PLOD2: variants seen among roughly 807,000 people sequenced by gnomAD.
PLOD2 encodes procollagen-lysine,2-oxoglutarate 5-dioxygenase 2.
A neutral mutation model predicts 101.0 loss-of-function variants in PLOD2; 65 were observed. That is an observed-to-expected ratio of 0.64 (90% confidence interval 0.53 to 0.79). PLOD2 has a LOEUF of 0.79. PLOD2 is among the 30% of genes least tolerant of loss of function. The pLI, the probability that PLOD2 is intolerant of heterozygous loss-of-function variation, is 0.00. For missense variants in PLOD2, 909 were observed against 914.6 expected (o/e 0.99, Z 0.08); for synonymous variants, 314 against 302.9 (o/e 1.04, Z -0.38).
chr3:146,076,519 T>G (rs1310021349), intron 15 of PLOD2: 2 of 167,406 alleles, frequency 1.2e-5, no homozygotes, highest in Non-Finnish European at 2.3e-5. Flanking sequence ...TTGAGAAATC[T>G]TCAAACTGCT....
chr3:146,105,757 G>A (rs1937525726), intron 5 of PLOD2, among the ~76,000 whole-genome samples: 2 of 152,178 alleles, frequency 1.3e-5, no homozygotes, highest in African/African-American at 4.8e-5. Context: ...AGACTATGTG[G>A]TCTCAGTTTC....
intron 7 of PLOD2, among the ~76,000 whole-genome samples, chr3:146,096,788 G>A (rs1407470438): frequency 4.0e-4 from 59 of 147,050 alleles, no homozygotes; most frequent in African/African-American, 1.1e-3. Flanking sequence ...CAGCCACCCC[G>A]TCCGGGAGGT....
chr3:146,159,571 C>A (rs1427085283), intron 1 of PLOD2, among the ~76,000 whole-genome samples: 1 of 152,096 alleles, frequency 6.6e-6, no homozygotes, highest in African/African-American at 2.4e-5. Flanking sequence ...TCTGTTTTTC[C>A]TTTTTAAATT....
chr3:146,140,227 G>A (rs1340194079), intron 1 of PLOD2, among the ~76,000 whole-genome samples: 1 of 151,922 alleles, frequency 6.6e-6, no homozygotes, highest in Non-Finnish European at 1.5e-5. Context: ...TTAGAAAGCT[G>A]AGCCAATGCT....
At chr3:146,112,668 T>C (rs1227351426) in intron 3 of PLOD2, among the ~76,000 whole-genome samples, 3 of 151,756 alleles carry the variant, frequency 2.0e-5, no homozygotes, top group Non-Finnish European at 2.9e-5. Context: ...CTGGCCAACA[T>C]AGTGAAAACC....
chr3:146,110,483 A>G (rs1437153338), intron 3 of PLOD2, 35 bp from the exon 4 acceptor site: 1 of 1,553,992 alleles, frequency 6.4e-7, no homozygotes, highest in East Asian at 2.2e-5. Context: ...TTTAAAATAC[A>G]CTTGTCAGAA....
At chr3:146,118,913 T>C (rs1029327567) in intron 3 of PLOD2, among the ~76,000 whole-genome samples, 2 of 152,310 alleles carry the variant, frequency 1.3e-5, no homozygotes, top group East Asian at 1.9e-4. Context: ...GACTAAAGTA[T>C]GAATTTCACA....
chr3:146,133,483 A>G (rs2031046040), intron 1 of PLOD2, among the ~76,000 whole-genome samples: 1 of 152,070 alleles, frequency 6.6e-6, no homozygotes. Flanking sequence ...GGCCCTCATC[A>G]CCCCTATACC....
chr3:146,076,663 G>A, intron 15 of PLOD2, 119 bp downstream of exon 15: 1 of 619,210 alleles, frequency 1.6e-6, no homozygotes, highest in Non-Finnish European at 2.9e-6. Flanking sequence ...TGGTTTTGAT[G>A]TGCATTTCAC....
chr3:146,096,989 G>A (rs1294923467), intron 7 of PLOD2, among the ~76,000 whole-genome samples: 4 of 145,290 alleles, frequency 2.8e-5, no homozygotes, highest in Non-Finnish European at 3.0e-5. Flanking sequence ...CGCCCCGGCC[G>A]GGAGGGAGGT....
At chr3:146,093,238 A>G (rs1226323756) in intron 7 of PLOD2, among the ~76,000 whole-genome samples, 1 of 152,202 alleles carries the variant, frequency 6.6e-6, no homozygotes, top group East Asian at 1.9e-4. Context: ...AGAACTTTAA[A>G]ATGGGAAAAA....
intron 11 of PLOD2, among the ~76,000 whole-genome samples, chr3:146,083,576 TC>T (rs757239210): frequency 2.4e-5 from 2 of 83,218 alleles, no homozygotes; most frequent in African/African-American, 4.6e-5. Context: ...TAAGTCTTTT[TC>T]TTTTTTTTTT....
intron 3 of PLOD2, among the ~76,000 whole-genome samples, chr3:146,115,913 T>C (rs1011254175): frequency 6.6e-6 from 1 of 152,124 alleles, no homozygotes; most frequent in Non-Finnish European, 1.5e-5. Flanking sequence ...TAAAACTTTT[T>C]ACAAAAACAG....
At chr3:146,158,190 A>C (rs2032393791) in intron 1 of PLOD2, among the ~76,000 whole-genome samples, 1 of 152,176 alleles carries the variant, frequency 6.6e-6, no homozygotes, top group Non-Finnish European at 1.5e-5. Context: ...GGCAGGAAAG[A>C]TAAATCAGGG....
At chr3:146,085,988 TA>T (rs1936753214) in intron 10 of PLOD2, 2 of 152,152 alleles carry the variant, frequency 1.3e-5, no homozygotes, top group Admixed American at 1.3e-4. Context: ...TGAAAAATAT[TA>T]AAGAAAATAT....
At chr3:146,115,599 G>A (rs1937872397) in intron 3 of PLOD2, among the ~76,000 whole-genome samples, 1 of 151,834 alleles carries the variant, frequency 6.6e-6, no homozygotes, top group Admixed American at 6.6e-5. Flanking sequence ...CCACTAGAAG[G>A]CACAAGGCTA....
chr3:146,125,904 AG>A (rs2030533653), intron 1 of PLOD2, among the ~76,000 whole-genome samples: 1 of 152,216 alleles, frequency 6.6e-6, no homozygotes, highest in African/African-American at 2.4e-5. Flanking sequence ...AGCTTTTTAA[AG>A]TCTATCTGTA....
At position 146,076,829 on chromosome 3, in the gene PLOD2, T is replaced by C. The variant is rs1936359036; in HGVS notation, c.1630A>G (p.Thr544Ala). Reference protein sequence around the residue: ...GRLLSTANYNTSHYNNDLWQI... With the variant: ...GRLLSTANYNASHYNNDLWQI... The stretch of plus-strand genomic sequence containing the variant: ...CAGAGGTCATTGTTATAATGGGAAG[T>C]ATTGTAATTAGCAGTGGATAATAGC... Residue 544 changes from threonine (T) to alanine (A), a missense_variant, in exon 15 of 20, where the codon ACT becomes GCT. Coordinates refer to ENST00000282903, the MANE Select transcript of PLOD2 (RefSeq NM_182943.3). 1 of 1,591,338 alleles carries C rather than the reference T, an allele frequency of 6.3e-7. No individual in the cohort carries two copies. Among genetic ancestry groups the C allele is most frequent in the African/African-American group, 1.3e-5 (1 of 74,314 alleles).
At chr3:146,137,715 G>C (rs1027014391) in intron 1 of PLOD2, among the ~76,000 whole-genome samples, 21 of 152,316 alleles carry the variant, frequency 1.4e-4, no homozygotes, top group African/African-American at 4.8e-4. Flanking sequence ...GATTCAGTTT[G>C]TATGGGGAGC....
Sources: gnomAD v4.1 joint callset for allele counts (sites outside exome capture counted in the v4.1 genomes callset) on GRCh38, gnomAD v4.1.1 for gene constraint, MANE v1.5 for transcripts, NCBI Gene and HGNC (gene_info 2026-07-23, HGNC 2026-07-21) for gene names.